Variants in GPD1 observed in about 807,000 individuals in gnomAD.
GPD1 encodes the protein glycerol-3-phosphate dehydrogenase 1.
In GPD1, 19 loss-of-function variants were observed where a neutral mutation model predicts 34.4. The observed-to-expected ratio is 0.55, with a 90% confidence interval of 0.39 to 0.81. The LOEUF (loss-of-function observed/expected upper bound fraction) is 0.81. GPD1 is among the 30% of genes least tolerant of loss of function. The probability of loss-of-function intolerance (pLI) is 0.00; values close to 1 mark genes in which losing one functional copy is unlikely to be tolerated. For missense variants in GPD1, 429 were observed against 447.0 expected (o/e 0.96, Z 0.36); for synonymous variants, 172 against 174.1 (o/e 0.99, Z 0.09).
intron 5 of GPD1, chr12:50,107,299 T>G (rs940735107): frequency 3.0e-6 from 2 of 664,400 alleles, no homozygotes; most frequent in Non-Finnish European, 5.5e-6. Flanking sequence ...TTGAGGGCTG[T>G]ACAATGGAAT....
chr12:50,107,257 G>T, intron 5 of GPD1: 2 of 650,862 alleles, frequency 3.1e-6, no homozygotes, highest in Non-Finnish European at 5.7e-6. Flanking sequence ...CAGACTAATG[G>T]CCAGAACTAT....
At chr12:50,106,186 G>C in intron 3 of GPD1, 102 bp from the exon 4 acceptor site, 2 of 1,081,410 alleles carry the variant, frequency 1.8e-6, no homozygotes, top group Non-Finnish European at 2.6e-6. Context: ...CCTGTCGGGA[G>C]GGACACAGAT....
chr12:50,104,209 TCTATC>T, intron 1 of GPD1, 118 bp downstream of exon 1: 7 of 978,180 alleles, frequency 7.2e-6, no homozygotes, highest in Non-Finnish European at 1.2e-5. Flanking sequence ...GCTGCTATCT[TCTATC>T]ATAGCAGCAC....
At position 50,107,632 on chromosome 12, in the gene GPD1, A is replaced by T. The variant is rs1288621275; in HGVS notation, c.678A>T (p.Ala226=). 6.2e-7 allele frequency: 1 copy of T among 1,614,140 alleles called. No homozygotes were observed. The highest frequency in any genetic ancestry group is 8.5e-7 in the Non-Finnish European group (1 of 1,180,014). The change falls in exon 6 of 8, where the codon GCA becomes GCT. Residue 226 remains alanine, a synonymous_variant. Coordinates refer to ENST00000301149, the MANE Select transcript of GPD1 (RefSeq NM_005276.4). ...GCTTTGGCGACAACACCAAGGCGGC[A>T]GTGATCCGGCTGGGACTCATGGAGA... ...GLGFGDNTKA[A]VIRLGLMEMI...
In GPD1 at chr12:50,106,282, G is replaced by T; in HGVS notation, c.361-6G>T. On this transcript the variant is annotated splice_polypyrimidine_tract_variant and splice_region_variant and intron_variant, in intron 3 of 7. Coordinates refer to ENST00000301149, the MANE Select transcript of GPD1 (RefSeq NM_005276.4). ...GCACCTGGCCTGAGCTCCATCCTGT[G>T]CTCAGGGGGTAGACGAGGGCCCCAA... The T allele has an allele frequency of 6.2e-7, 1 of 1,604,782 alleles. No individual in the cohort carries two copies. Among genetic ancestry groups the T allele is most frequent in the East Asian group, 2.2e-5 (1 of 44,776 alleles).
chr12:50,107,581 G>A lies in GPD1; in HGVS notation c.627G>A (p.Val209=), dbSNP rs144416246. The change falls in exon 6 of 8, where the codon GTG becomes GTA. Residue 209 remains valine (V), a synonymous_variant. Coordinates refer to ENST00000301149, the MANE Select transcript of GPD1 (RefSeq NM_005276.4). ...ACTCCTTCAAGAATGTAGTGGCCGT[G>A]GGGGCTGGCTTCTGTGATGGCCTGG... The part of the protein sequence containing the change: ...ICGALKNVVA[V]GAGFCDGLGF... The A allele has an allele frequency of 1.2e-6, 2 of 1,613,942 alleles. No individual in the cohort carries two copies. The highest frequency in any genetic ancestry group is 4.5e-5 in the East Asian group (2 of 44,894).
At position 50,110,271 on chromosome 12, in the gene GPD1, T is replaced by C. The variant is rs1951013275; in HGVS notation, c.*752T>C. 1 of 152,812 alleles carries C rather than the reference T, an allele frequency of 6.5e-6. No individual in the cohort carries two copies. Among genetic ancestry groups the C allele is most frequent in the African/African-American group, 2.4e-5 (1 of 41,446 alleles). 9.5% of individuals were successfully genotyped at this position (152,812 alleles called of 1,614,324 possible). A position where few individuals can be genotyped will look rare whatever the true frequency, so the allele number is the denominator to read the frequency against. ...GTTCTTTGCCAGCTCCTCCCCACTC[T>C]GTGCGACCTTTCCAAGCCTTCCCTC... On this transcript the variant is annotated 3_prime_UTR_variant, in exon 8 of 8. Coordinates refer to ENST00000301149, the MANE Select transcript of GPD1 (RefSeq NM_005276.4).
intron 4 of GPD1, 76 bp from the exon 5 acceptor site, chr12:50,106,729 A>T (rs1836764711): frequency 1.2e-6 from 1 of 843,460 alleles, no homozygotes; most frequent in Non-Finnish European, 1.8e-6. Flanking sequence ...CAACAGAGAG[A>T]GACTCCCATC....
At chr12:50,106,158 G>C (rs1565747049) in intron 3 of GPD1, 130 bp from the exon 4 acceptor site, 1 of 791,026 alleles carries the variant, frequency 1.3e-6, no homozygotes, top group South Asian at 1.8e-5. Flanking sequence ...ACTTGAGCTG[G>C]GTTGGAATGG....
At position 50,107,312 on chromosome 12, in the gene GPD1, T is replaced by C. The variant is rs1442074336; in HGVS notation, c.613-255T>C. On this transcript the variant is annotated intron_variant, in intron 5 of 7. Coordinates refer to ENST00000301149, the MANE Select transcript of GPD1 (RefSeq NM_005276.4). Reference sequence around the variant, plus strand: ...ACTTGAGGGCTGTACAATGGAATGGTCATAGATGGGAAGATCAACTAGAGA... The same window carrying C: ...ACTTGAGGGCTGTACAATGGAATGGCCATAGATGGGAAGATCAACTAGAGA... 4.5e-6 allele frequency: 3 copies of C among 671,862 alleles called. No homozygotes were observed. The Admixed American group carries it at 6.1e-5, about 14-fold the overall frequency. 41.6% of individuals were successfully genotyped at this position (671,862 alleles called of 1,614,324 possible). A position where few individuals can be genotyped will look rare whatever the true frequency, so the allele number is the denominator to read the frequency against.
Position 50,105,670 on chromosome 12 carries a change from T to TG in GPD1, c.344dup (p.Ile116HisfsTer5), listed in dbSNP as rs1260068898. The TG allele has an allele frequency of 6.2e-7, 1 of 1,614,178 alleles. No homozygotes were observed. The highest frequency in any genetic ancestry group is 2.2e-5 in the East Asian group (1 of 44,882). Reference sequence around the variant, plus strand: ...AGGGCCATCTGAAGGCAAACGCCACTGGCATATCTCTTATTAAGGTGCCAG... The same window carrying TG: ...AGGGCCATCTGAAGGCAAACGCCACTGGGCATATCTCTTATTAAGGTGCCAG... On this transcript the variant is annotated frameshift_variant, in exon 3 of 8. Coordinates refer to ENST00000301149, the MANE Select transcript of GPD1 (RefSeq NM_005276.4). LOFTEE classifies it high-confidence loss of function.
chr12:50,106,717 G>C, intron 4 of GPD1, 88 bp from the exon 5 acceptor site: 1 of 795,824 alleles, frequency 1.3e-6, no homozygotes, highest in Non-Finnish European at 2.0e-6. Context: ...GTCCAGCCTG[G>C]GCAACAGAGA....
rs1592299975 is a variant in GPD1 at position 50,104,318 on chromosome 12, G to A, written c.41+227G>A. 2.0e-5 allele frequency: 14 copies of A among 703,318 alleles called. No individual in the cohort carries two copies. The East Asian group carries it at 3.5e-4, about 18-fold the overall frequency. 43.6% of individuals were successfully genotyped at this position (703,318 alleles called of 1,614,324 possible). A position where few individuals can be genotyped will look rare whatever the true frequency, so the allele number is the denominator to read the frequency against. The stretch of plus-strand genomic sequence containing the variant: ...AAGGCGTCTCCAGAGCTCTCTATGT[G>A]AAGAGCCGCTTGAGTTTGGGGGTGG... On this transcript the variant is annotated intron_variant, in intron 1 of 7. Coordinates refer to ENST00000301149, the MANE Select transcript of GPD1 (RefSeq NM_005276.4).
chr12:50,105,945 G>A, intron 3 of GPD1: 2 of 680,524 alleles, frequency 2.9e-6, no homozygotes, highest in East Asian at 2.8e-5. Flanking sequence ...GAATGCCTGG[G>A]AGATATGAGA....
intron 5 of GPD1, chr12:50,107,269 G>A: frequency 1.5e-6 from 1 of 653,018 alleles, no homozygotes; most frequent in Non-Finnish European, 2.8e-6. Flanking sequence ...CAGAACTATG[G>A]ATCCTGGACA....
Position 50,105,588 on chromosome 12 carries a change from A to C in GPD1, c.260A>C (p.Asp87Ala). Reference sequence around the variant, plus strand: ...GTGGTCCAGGCTGCAGAGGATGCTGACATCCTGATCTTTGTGGTGCCCCAT... The same window carrying C: ...GTGGTCCAGGCTGCAGAGGATGCTGCCATCCTGATCTTTGTGGTGCCCCAT... ...PDVVQAAEDADILIFVVPHQF... is the reference protein window; with the variant it reads ...PDVVQAAEDAAILIFVVPHQF... The change falls in exon 3 of 8, where the codon GAC becomes GCC. Residue 87 changes from aspartate to alanine, a missense_variant. Transcript: ENST00000301149. The C allele has an allele frequency of 1.2e-6, 2 of 1,614,008 alleles. No homozygotes were observed. The highest frequency in any genetic ancestry group is 2.2e-5 in the South Asian group (2 of 91,076).
Position 50,106,864 on chromosome 12 carries a change from C to T in GPD1, c.559C>T (p.Arg187Cys), listed in dbSNP as rs771141368. ...LKELMQTPNF[R>C]ITVVQEVDTV... ...AGAGCTGATGCAGACACCAAACTTC[C>T]GTATCACAGTGGTGCAAGAGGTGGA... The change falls in exon 5 of 8, where the codon CGT becomes TGT. Residue 187 changes from arginine (R) to cysteine (C), a missense_variant. Arg to Cys is a radical substitution (Grantham distance 180, BLOSUM62 -3). Transcript: ENST00000301149. 4.3e-5 allele frequency: 69 copies of T among 1,613,424 alleles called. No homozygotes were observed. The Admixed American group carries it at 4.8e-4, about 11-fold the overall frequency.
rs963099849 is a variant in GPD1, at chr12:50,104,740, C to T, written c.208C>T (p.Pro70Ser). 1 of 1,613,606 alleles carries T rather than the reference C, an allele frequency of 6.2e-7. No individual in the cohort carries two copies. Residue 70 changes from proline to serine, a missense_variant, in exon 2 of 8, where the codon CCC (proline) becomes TCC (serine). Pro to Ser is a moderately conservative substitution (Grantham distance 74, BLOSUM62 -1). Coordinates refer to ENST00000301149, the MANE Select transcript of GPD1 (RefSeq NM_005276.4). ...CAAATACCTGCCAGGGCACAAGTTG[C>T]CCCCAAATGTGGTGAGCCCCAACAC... ...NVKYLPGHKLPPNVVAVPDVV... is the reference protein window; with the variant it reads ...NVKYLPGHKLSPNVVAVPDVV...
At chr12:50,107,362 C>T in intron 5 of GPD1, 1 of 696,626 alleles carries the variant, frequency 1.4e-6, no homozygotes, top group Non-Finnish European at 2.6e-6. Flanking sequence ...AGAAAATGTC[C>T]TCGAGGAGGG....
Sources: allele counts gnomAD v4.1 joint callset, GRCh38; gene constraint gnomAD v4.1.1; transcripts MANE v1.5; gene names NCBI Gene and HGNC (gene_info 2026-07-23, HGNC 2026-07-21).